Variants in DGKH observed in about 807,000 individuals in gnomAD.
The protein encoded by DGKH is DAG kinase eta.
DGKH carries 90 observed loss-of-function variants against 159.3 expected under a neutral mutation model. That is an observed-to-expected ratio of 0.57 (90% confidence interval 0.48 to 0.67). The LOEUF is 0.67. DGKH is among the 30% of genes least tolerant of loss of function. The probability of loss-of-function intolerance (pLI) is 0.00; values close to 1 mark genes in which losing one functional copy is unlikely to be tolerated. For missense variants in DGKH, 1,181 were observed against 1,506.1 expected (o/e 0.78, Z 3.57); for synonymous variants, 536 against 553.8 (o/e 0.97, Z 0.45).
At chr13:42,100,469 A>G (rs1399742678) in intron 1 of DGKH, among the ~76,000 whole-genome samples, 1 of 152,060 alleles carries the variant, frequency 6.6e-6, no homozygotes, top group Non-Finnish European at 1.5e-5. Flanking sequence ...CGATCCATGG[A>G]AAAACTGTCT....
chr13:42,110,399 A>G (rs1263236053), intron 1 of DGKH, among the ~76,000 whole-genome samples: 1 of 152,184 alleles, frequency 6.6e-6, no homozygotes, highest in African/African-American at 2.4e-5. Flanking sequence ...TTAAAAAAAC[A>G]AACGTGATGT....
At chr13:42,188,542 C>T (rs1012575731) in intron 14 of DGKH, among the ~76,000 whole-genome samples, 1 of 152,126 alleles carries the variant, frequency 6.6e-6, no homozygotes, top group African/African-American at 2.4e-5. Flanking sequence ...CAAAATGGTG[C>T]ATTAAGTCAA....
chr13:42,086,332 A>T (rs893661328), intron 1 of DGKH, among the ~76,000 whole-genome samples: 5 of 152,350 alleles, frequency 3.3e-5, no homozygotes, highest in Admixed American at 1.3e-4. Flanking sequence ...AGTGTTTATT[A>T]TGAAGAAGTG....
intron 1 of DGKH, among the ~76,000 whole-genome samples, chr13:42,083,548 C>A (rs2166623): frequency 0.014 from 2,076 of 152,220 alleles, 25 homozygotes; most frequent in Middle Eastern, 0.031. Flanking sequence ...TATCTAGCGC[C>A]GCCGCTGTAG....
Position 42,146,150 on chromosome 13 carries a change from C to CTTTTTTT in DGKH, c.385-9129_385-9123dup, listed in dbSNP as rs57139526. Reference sequence around the variant, plus strand: ...TGTAAGAGTTCAGATTCTGGGGAGGCTTTTTTTTTTTTTTTTTTGTACAGG... The same window carrying CTTTTTTT: ...TGTAAGAGTTCAGATTCTGGGGAGGCTTTTTTTTTTTTTTTTTTTTTTTTTGTACAGG... On this transcript the variant is annotated intron_variant, in intron 3 of 29. Coordinates refer to ENST00000337343, the MANE Select transcript of DGKH (RefSeq NM_178009.5). Among the ~76,000 whole-genome samples, 167 of 110,272 alleles carry CTTTTTTT rather than the reference C, an allele frequency of 1.5e-3. 7 individuals carry two copies. The highest frequency in any genetic ancestry group is 5.4e-3 in the Middle Eastern group (1 of 184). The allele number at this position is 110,272 out of a possible 152,430, so 72.3% of individuals were successfully genotyped here.
intron 29 of DGKH, among the ~76,000 whole-genome samples, chr13:42,248,411 GC>G (rs1475140186): frequency 2.0e-5 from 3 of 149,036 alleles, no homozygotes; most frequent in Non-Finnish European, 4.5e-5. Context: ...GGGTAACAGA[GC>G]GAGACACCGT....
At chr13:42,182,548 A>T (rs1174922975) in intron 13 of DGKH, among the ~76,000 whole-genome samples, 1 of 152,224 alleles carries the variant, frequency 6.6e-6, no homozygotes, top group African/African-American at 2.4e-5. Context: ...TAGATTATTT[A>T]TAATAACAAA....
At chr13:42,055,909 G>A (rs1881723288) in intron 1 of DGKH, among the ~76,000 whole-genome samples, 2 of 152,156 alleles carry the variant, frequency 1.3e-5, no homozygotes, top group South Asian at 4.1e-4. Flanking sequence ...CAGCAATTTG[G>A]GAGGCTGAGC....
At chr13:42,122,666 A>T (rs187447249) in intron 1 of DGKH, among the ~76,000 whole-genome samples, 1 of 152,372 alleles carries the variant, frequency 6.6e-6, no homozygotes, top group African/African-American at 2.4e-5. Flanking sequence ...CAGAGGGGAC[A>T]TCAAATTATA....
intron 1 of DGKH, among the ~76,000 whole-genome samples, chr13:42,126,674 A>G (rs1955177466): frequency 6.6e-6 from 1 of 152,186 alleles, no homozygotes; most frequent in Non-Finnish European, 1.5e-5. Context: ...CATTTATAGC[A>G]GAAAGCTCTT....
chr13:42,222,610 G>T (rs1286594886), intron 29 of DGKH, among the ~76,000 whole-genome samples: 3 of 152,230 alleles, frequency 2.0e-5, no homozygotes, highest in African/African-American at 7.2e-5. Context: ...ATGTAGGGGG[G>T]ATCATGATAT....
intron 3 of DGKH, among the ~76,000 whole-genome samples, chr13:42,135,203 A>G (rs1955375249): frequency 6.6e-6 from 1 of 151,598 alleles, no homozygotes; most frequent in Admixed American, 6.6e-5. Flanking sequence ...GTTTATTAAT[A>G]TATTTGTAGT....
intron 1 of DGKH, among the ~76,000 whole-genome samples, chr13:42,076,286 T>C (rs1566088429): frequency 6.6e-6 from 1 of 152,248 alleles, no homozygotes; most frequent in African/African-American, 2.4e-5. Flanking sequence ...CAATTCTTTA[T>C]TGGCGTAAAG....
chr13:42,077,533 G>A (rs1352448081), intron 1 of DGKH, among the ~76,000 whole-genome samples: 1 of 152,162 alleles, frequency 6.6e-6, no homozygotes, highest in African/African-American at 2.4e-5. Context: ...GTCATACAAG[G>A]AATGACAAAT....
At chr13:42,040,762 G>A (rs1250536092) in intron 1 of DGKH, among the ~76,000 whole-genome samples, 1 of 148,942 alleles carries the variant, frequency 6.7e-6, no homozygotes, top group Non-Finnish European at 1.5e-5. Context: ...AGCCGGGGCG[G>A]CGGCGGCGGC....
intron 12 of DGKH, among the ~76,000 whole-genome samples, chr13:42,174,948 C>T (rs1468586486): frequency 6.6e-6 from 1 of 152,194 alleles, no homozygotes; most frequent in East Asian, 1.9e-4. Context: ...CCACTTAATT[C>T]CATCTCTACT....
At chr13:42,117,279 A>C (rs879589616) in intron 1 of DGKH, among the ~76,000 whole-genome samples, 8 of 152,210 alleles carry the variant, frequency 5.3e-5, no homozygotes, top group Non-Finnish European at 1.2e-4. Flanking sequence ...ATGATTTTTA[A>C]AAAATGAATC....
chr13:42,215,975 G>T (rs1326237303), intron 26 of DGKH, among the ~76,000 whole-genome samples: 1 of 152,172 alleles, frequency 6.6e-6, no homozygotes, highest in African/African-American at 2.4e-5. Flanking sequence ...CATTCCTTAG[G>T]TACTTATTAT....
chr13:42,177,705 T>C (rs988144254), intron 12 of DGKH, among the ~76,000 whole-genome samples: 1 of 152,208 alleles, frequency 6.6e-6, no homozygotes, highest in African/African-American at 2.4e-5. Context: ...TGCATGGTGG[T>C]ACTGCATTGT....
Sources: gnomAD v4.1 joint callset for allele counts (sites outside exome capture counted in the v4.1 genomes callset) on GRCh38, gnomAD v4.1.1 for gene constraint, MANE v1.5 for transcripts, NCBI Gene and HGNC (gene_info 2026-07-23, HGNC 2026-07-21) for gene names.